The following RAB31 variants were observed in gnomAD, a reference collection of about 807,000 sequenced individuals.
RAB31 encodes RAB31, member RAS oncogene family.
In RAB31, 21 loss-of-function variants were observed where a neutral mutation model predicts 25.6. The ratio of observed to expected loss-of-function variants is 0.82; its 90% CI spans 0.58 to 1.18. RAB31 has a LOEUF of 1.18. Among genes scored for constraint, RAB31 ranks in the 50% most tolerant of loss-of-function variants. RAB31 has a pLI of 0.00. For missense variants in RAB31, 196 were observed against 250.1 expected (o/e 0.78, Z 1.46); for synonymous variants, 87 against 84.0 (o/e 1.04, Z -0.20).
chr18:9,745,310 C>T (rs1053234156), intron 1 of RAB31, among the ~76,000 whole-genome samples: 1 of 152,122 alleles, frequency 6.6e-6, no homozygotes, highest in African/African-American at 2.4e-5. Context: ...TAATCAAAAA[C>T]CTCCCAAAAG....
intron 2 of RAB31, among the ~76,000 whole-genome samples, chr18:9,790,528 A>T (rs1049724522): frequency 2.6e-5 from 4 of 152,126 alleles, no homozygotes; most frequent in African/African-American, 9.7e-5. Context: ...AAGAGCCACC[A>T]CACCTGACCA....
At chr18:9,721,714 G>A (rs986102847) in intron 1 of RAB31, among the ~76,000 whole-genome samples, 1 of 152,138 alleles carries the variant, frequency 6.6e-6, no homozygotes, top group African/African-American at 2.4e-5. Flanking sequence ...ATACCAGGCA[G>A]TTTCTAGGGG....
intron 1 of RAB31, among the ~76,000 whole-genome samples, chr18:9,767,559 A>G (rs2068322487): frequency 6.6e-6 from 1 of 152,156 alleles, no homozygotes; most frequent in African/African-American, 2.4e-5. Flanking sequence ...ATCGAGTCAC[A>G]ATTATTCCCT....
chr18:9,762,764 G>A (rs1268579810), intron 1 of RAB31, among the ~76,000 whole-genome samples: 1 of 152,140 alleles, frequency 6.6e-6, no homozygotes, highest in Middle Eastern at 3.2e-3. Context: ...TAACTGATCT[G>A]AAGAGTAGGG....
chr18:9,709,203 C>A (rs1261924039), intron 1 of RAB31, among the ~76,000 whole-genome samples: 3 of 152,162 alleles, frequency 2.0e-5, no homozygotes, highest in African/African-American at 7.2e-5. Context: ...TCAATCCGTG[C>A]GGCCCGGGGA....
intron 1 of RAB31, among the ~76,000 whole-genome samples, chr18:9,732,485 A>C (rs2068128625): frequency 6.6e-6 from 1 of 152,216 alleles, no homozygotes; most frequent in African/African-American, 2.4e-5. Context: ...TCTGGTCCTC[A>C]CAACGGCCCT....
chr18:9,712,389 G>A (rs2068021967), intron 1 of RAB31, among the ~76,000 whole-genome samples: 1 of 152,252 alleles, frequency 6.6e-6, no homozygotes, highest in Admixed American at 6.5e-5. Flanking sequence ...CAGCCGTGCA[G>A]GAGGGTGTGC....
chr18:9,812,690 T>G, intron 3 of RAB31, among the ~76,000 whole-genome samples: 1 of 12,414 alleles, frequency 8.1e-5, no homozygotes, highest in African/African-American at 3.7e-4. Flanking sequence ...CAGGATACTA[T>G]TTTTTTTTTT....
chr18:9,731,595 G>GATTT (rs2068122925), intron 1 of RAB31, among the ~76,000 whole-genome samples: 1 of 81,736 alleles, frequency 1.2e-5, no homozygotes, highest in African/African-American at 6.5e-5. Context: ...CTGGGAATTT[G>GATTT]CTTTTTTTTT....
intron 5 of RAB31, among the ~76,000 whole-genome samples, chr18:9,827,371 C>T (rs764372): frequency 0.25 from 38,013 of 151,870 alleles, 6,422 homozygotes; most frequent in East Asian, 0.83. Context: ...TACCCAACAA[C>T]AGTGACGATG....
intron 6 of RAB31, among the ~76,000 whole-genome samples, chr18:9,848,528 G>A (rs1219806497): frequency 1.3e-5 from 2 of 152,190 alleles, no homozygotes; most frequent in Non-Finnish European, 2.9e-5. Flanking sequence ...TAGCCTAATT[G>A]CAGGTTAATT....
At chr18:9,741,376 C>CAA (rs71169903) in intron 1 of RAB31, among the ~76,000 whole-genome samples, 1,083 of 31,246 alleles carry the variant, frequency 0.035, 118 homozygotes, top group Non-Finnish European at 0.049. Flanking sequence ...AACTCCGTCT[C>CAA]AAAAAAAAAA....
In RAB31 at chr18:9,849,398, A is replaced by C. The variant is rs145680060; in HGVS notation, c.490+3707A>C. ...TCTCCGTCCTCATCTCATGATATAA[A>C]GTGAAATGTAATCACTTTTCTCTGG... On this transcript the variant is annotated intron_variant, in intron 6 of 6. Coordinates refer to ENST00000578921, the MANE Select transcript of RAB31 (RefSeq NM_006868.4). 1.8e-3 allele frequency among the ~76,000 whole-genome samples: 269 copies of C among 152,310 alleles called. 2 individuals carry two copies. Among genetic ancestry groups the C allele is most frequent in the African/African-American group, 6.0e-3 (251 of 41,576 alleles).
At chr18:9,712,724 G>T (rs1240145585) in intron 1 of RAB31, among the ~76,000 whole-genome samples, 1 of 148,944 alleles carries the variant, frequency 6.7e-6, no homozygotes, top group African/African-American at 2.5e-5. Flanking sequence ...TGGGGTATTT[G>T]TGTGCGTGCA....
intron 6 of RAB31, among the ~76,000 whole-genome samples, chr18:9,852,891 C>A (rs965979305): frequency 1.3e-5 from 2 of 152,160 alleles, no homozygotes. Context: ...CTTGTCAACG[C>A]TTGGTACCGT....
In RAB31 at chr18:9,792,022, C is replaced by T. The variant is rs184602207; in HGVS notation, c.120-132C>T. The T allele has an allele frequency of 1.1e-3, 1,410 of 1,254,652 alleles. 3 individuals are homozygous for T. Among genetic ancestry groups the T allele is most frequent in the Non-Finnish European group, 1.4e-3 (1,322 of 940,582 alleles). 77.7% of individuals were successfully genotyped at this position (1,254,652 alleles called of 1,614,324 possible). A position where few individuals can be genotyped will look rare whatever the true frequency, so the allele number is the denominator to read the frequency against. Reference sequence around the variant, plus strand: ...GTGTCATGAGTCTTCTAGCCCTTTTCTCGTCTTAGTGGTTCCCAAGGACCA... The same window carrying T: ...GTGTCATGAGTCTTCTAGCCCTTTTTTCGTCTTAGTGGTTCCCAAGGACCA... On this transcript the variant is annotated intron_variant, in intron 2 of 6. Transcript: ENST00000578921.
chr18:9,739,682 A>G (rs1163943551), intron 1 of RAB31, among the ~76,000 whole-genome samples: 4 of 152,218 alleles, frequency 2.6e-5, no homozygotes, highest in African/African-American at 9.7e-5. Flanking sequence ...ATCCCAGATT[A>G]TAGTGACTTC....
intron 1 of RAB31, among the ~76,000 whole-genome samples, chr18:9,755,393 C>T (rs919450395): frequency 6.6e-5 from 10 of 152,158 alleles, no homozygotes; most frequent in African/African-American, 2.4e-4. Flanking sequence ...CTTGGCCTTA[C>T]CCTCTGTGAG....
chr18:9,765,376 G>A (rs1012429376), intron 1 of RAB31, among the ~76,000 whole-genome samples: 4 of 152,232 alleles, frequency 2.6e-5, no homozygotes, highest in Admixed American at 6.5e-5. Flanking sequence ...TCCTAGAACA[G>A]AGTGTGAAGA....
Sources: allele counts gnomAD v4.1 joint callset (sites outside exome capture counted in the v4.1 genomes callset), GRCh38; gene constraint gnomAD v4.1.1; transcripts MANE v1.5; gene names NCBI Gene and HGNC (gene_info 2026-07-23, HGNC 2026-07-21).